Variants in AFG1L observed in about 807,000 individuals in gnomAD.
AFG1L encodes AFG1 like ATPase.
In AFG1L, 53 loss-of-function variants were observed where a neutral mutation model predicts 62.2. That is an observed-to-expected ratio of 0.85 (90% CI 0.68 to 1.07). The LOEUF (loss-of-function observed/expected upper bound fraction) is 1.07, where lower values mean the gene tolerates loss of function less well. Among genes scored for constraint, AFG1L ranks in the 50% least tolerant of loss-of-function variants. The pLI is 0.00. For synonymous variants in AFG1L, 228 were observed against 210.3 expected (o/e 1.08, Z -0.73); for missense variants, 555 against 590.5 (o/e 0.94, Z 0.62).
chr6:108,305,037 A>T (rs1487169470), intron 1 of AFG1L, among the ~76,000 whole-genome samples: 1 of 152,262 alleles, frequency 6.6e-6, no homozygotes, highest in Non-Finnish European at 1.5e-5. Context: ...ATAGGTTATT[A>T]TGTGAGAAAG....
chr6:108,445,710 G>A (rs1217487735), intron 7 of AFG1L, among the ~76,000 whole-genome samples: 1 of 150,656 alleles, frequency 6.6e-6, no homozygotes, highest in African/African-American at 2.5e-5. Flanking sequence ...CAGTCAGAAT[G>A]CAAACAGCAT....
intron 7 of AFG1L, among the ~76,000 whole-genome samples, chr6:108,440,648 G>A (rs201350405): frequency 1.6e-4 from 24 of 151,666 alleles, no homozygotes; most frequent in South Asian, 4.2e-4. Flanking sequence ...GTGAAACCCC[G>A]TCTCTACTAA....
At chr6:108,324,961 G>A (rs552754172) in intron 2 of AFG1L, among the ~76,000 whole-genome samples, 1 of 152,244 alleles carries the variant, frequency 6.6e-6, no homozygotes, top group African/African-American at 2.4e-5. Flanking sequence ...CCAAAGTGCT[G>A]GGATTACAGG....
At chr6:108,485,763 C>G (rs577904616) in intron 10 of AFG1L, among the ~76,000 whole-genome samples, 4 of 144,470 alleles carry the variant, frequency 2.8e-5, no homozygotes, top group African/African-American at 5.1e-5. Context: ...CTCAGCCCCC[C>G]AGGCTCAAGC....
chr6:108,385,002 AG>A (rs1330241032), intron 6 of AFG1L, among the ~76,000 whole-genome samples: 1 of 152,214 alleles, frequency 6.6e-6, no homozygotes, highest in Admixed American at 6.5e-5. Flanking sequence ...AGAATGAGGC[AG>A]AAAAACTTTT....
intron 10 of AFG1L, among the ~76,000 whole-genome samples, chr6:108,487,755 A>G (rs145278969): frequency 5.3e-4 from 80 of 152,292 alleles, no homozygotes; most frequent in African/African-American, 1.8e-3. Flanking sequence ...AAGTATTTCA[A>G]CCATAATCAG....
intron 8 of AFG1L, among the ~76,000 whole-genome samples, chr6:108,467,098 A>G (rs1278939489): frequency 6.6e-6 from 1 of 152,182 alleles, no homozygotes; most frequent in Non-Finnish European, 1.5e-5. Context: ...GATTTGACCA[A>G]TGTCAGTGCA....
intron 2 of AFG1L, among the ~76,000 whole-genome samples, chr6:108,345,120 G>A (rs756617809): frequency 4.6e-5 from 7 of 152,084 alleles, no homozygotes; most frequent in Non-Finnish European, 8.8e-5. Context: ...TAGATTGGAT[G>A]GATTGGTAGG....
intron 1 of AFG1L, among the ~76,000 whole-genome samples, chr6:108,313,014 C>T (rs1418143544): frequency 6.6e-6 from 1 of 152,320 alleles, no homozygotes; most frequent in Non-Finnish European, 1.5e-5. Context: ...GGAAGGAGCA[C>T]GTCCCTGTCT....
intron 7 of AFG1L, among the ~76,000 whole-genome samples, chr6:108,440,820 C>CA (rs372126617): frequency 1.4e-5 from 2 of 147,612 alleles, no homozygotes; most frequent in Non-Finnish European, 3.0e-5. Context: ...GACTCCATCT[C>CA]AAAAAAAGAA....
chr6:108,499,947 C>T (rs887782343), intron 10 of AFG1L, among the ~76,000 whole-genome samples: 8 of 152,044 alleles, frequency 5.3e-5, no homozygotes, highest in African/African-American at 1.7e-4. Flanking sequence ...CCCTTGCCCC[C>T]TTTTCTTGCT....
intron 7 of AFG1L, among the ~76,000 whole-genome samples, chr6:108,421,636 CT>C (rs779117105): frequency 2.6e-4 from 40 of 152,188 alleles, no homozygotes; most frequent in African/African-American, 3.4e-4. Flanking sequence ...TGCACCCCCC[CT>C]GTCTGCTTTA....
At chr6:108,388,152 T>A (rs1310008963) in intron 6 of AFG1L, 1 of 152,228 alleles carries the variant, frequency 6.6e-6, no homozygotes, top group Non-Finnish European at 1.5e-5. Context: ...TTCTGGTCAC[T>A]GCCATTAGTT....
At chr6:108,471,465 CTTCTT>C (rs1239777521) in intron 8 of AFG1L, among the ~76,000 whole-genome samples, 2 of 110,214 alleles carry the variant, frequency 1.8e-5, no homozygotes, top group Non-Finnish European at 3.4e-5. Flanking sequence ...TCGTGTTCTT[CTTCTT>C]TTTTTTTTTT....
intron 5 of AFG1L, among the ~76,000 whole-genome samples, chr6:108,364,864 CCAAAAAAAA>C (rs1452845370): frequency 1.2e-5 from 1 of 84,338 alleles, no homozygotes; most frequent in Non-Finnish European, 2.1e-5. Context: ...CCTGAGACAG[CCAAAAAAAA>C]AAAAAAAAAA....
At chr6:108,354,011 A>C (rs1414185762) in intron 3 of AFG1L, among the ~76,000 whole-genome samples, 1 of 152,172 alleles carries the variant, frequency 6.6e-6, no homozygotes, top group Non-Finnish European at 1.5e-5. Flanking sequence ...TAGTAATTGC[A>C]AAGGAATTAC....
Position 108,482,848 on chromosome 6 carries a change from G to A in AFG1L, c.1062+5556G>A, listed in dbSNP as rs555111456. Among the ~76,000 whole-genome samples, 96 of 152,182 alleles carry A rather than the reference G, an allele frequency of 6.3e-4. 1 individual carries two copies. The highest frequency in any genetic ancestry group is 2.2e-3 in the African/African-American group (90 of 41,528). On this transcript the variant is annotated intron_variant, in intron 10 of 12. Transcript: ENST00000368977. ...CATACTGTCAACATGGCTTATAAAT[G>A]TTGATGCTAACCTTCATCATACTTG...
chr6:108,507,764 T>A (rs548206456), intron 10 of AFG1L, among the ~76,000 whole-genome samples: 12 of 151,958 alleles, frequency 7.9e-5, no homozygotes, highest in African/African-American at 2.9e-4. Context: ...AGCATGAGAG[T>A]CTTAATGTAT....
At chr6:108,474,556 G>A (rs1034880993) in intron 8 of AFG1L, among the ~76,000 whole-genome samples, 15 of 152,076 alleles carry the variant, frequency 9.9e-5, no homozygotes, top group South Asian at 2.1e-4. Context: ...GTTGTTTCTT[G>A]ACTTTTTAAT....
Sources: gnomAD v4.1 joint callset for allele counts (sites outside exome capture counted in the v4.1 genomes callset) on GRCh38, gnomAD v4.1.1 for gene constraint, MANE v1.5 for transcripts, NCBI Gene and HGNC (gene_info 2026-07-23, HGNC 2026-07-21) for gene names.